The following ZNF710 variants were observed in gnomAD, a reference collection of about 807,000 sequenced individuals.
The protein encoded by ZNF710 is zinc finger protein 710.
ZNF710 carries 13 observed loss-of-function variants against 50.6 expected under a neutral mutation model. The ratio of observed to expected loss-of-function variants is 0.26; its 90% CI spans 0.17 to 0.41. ZNF710 has a LOEUF of 0.41. Among genes scored for constraint, ZNF710 ranks in the 10% least tolerant of loss-of-function variants. The pLI is 1.00. For missense variants in ZNF710, 721 were observed against 936.6 expected, an observed-to-expected ratio of 0.77 and a Z score of 3.01; for synonymous variants, 383 against 397.0, an observed-to-expected ratio of 0.96 and a Z score of 0.42.
intron 1 of ZNF710, among the ~76,000 whole-genome samples, chr15:90,037,322 C>T (rs546635684): frequency 1.3e-5 from 2 of 152,312 alleles, no homozygotes; most frequent in East Asian, 3.9e-4. Flanking sequence ...GGCATTTGCC[C>T]TCCCAGGGCC....
Position 90,034,428 on chromosome 15 carries a change from C to CTG in ZNF710, c.-28-32636_-28-32635dup, listed in dbSNP as rs398028304. Among the ~76,000 whole-genome samples, 20,283 of 135,988 alleles carry CTG rather than the reference C, an allele frequency of 0.15. 1,501 individuals carry two copies. Among genetic ancestry groups the CTG allele is most frequent in the Non-Finnish European group, 0.16 (10,215 of 62,124 alleles). 89.2% of individuals were successfully genotyped at this position (135,988 alleles called of 152,430 possible). ...AGCTGTCCTTCCTGTTTCCAAATTC[C>CTG]TGTGTGTGTGTGTGTGTGTGTGTGT... is the stretch of plus-strand genomic sequence containing the variant. On this transcript the variant is annotated intron_variant, in intron 1 of 4. Coordinates refer to ENST00000268154, the MANE Select transcript of ZNF710 (RefSeq NM_198526.4). This position sits in a 1 kb window ranked among gnomAD's most constrained non-coding sequence, Gnocchi z 4.0.
At chr15:90,079,511 G>A (rs1900670979) in intron 4 of ZNF710, 149 bp from the exon 5 acceptor site, 9 of 963,454 alleles carry the variant, frequency 9.3e-6, no homozygotes, top group East Asian at 5.4e-5. Context: ...TGAGGCGTCC[G>A]AGGGTGGGAA....
chr15:90,062,387 G>A lies in ZNF710; in HGVS notation c.-28-4723G>A, dbSNP rs1596050918. 1.3e-5 allele frequency among the ~76,000 whole-genome samples: 2 copies of A among 152,158 alleles called. No homozygotes were observed. Among genetic ancestry groups the A allele is most frequent in the Admixed American group, 6.5e-5 (1 of 15,284 alleles). Reference sequence around the variant, plus strand: ...CCACGCCACATCCCAGCCAGTGGTCGCCCCTCATCTTGCCAGCCTGGGGCA... The same window carrying A: ...CCACGCCACATCCCAGCCAGTGGTCACCCCTCATCTTGCCAGCCTGGGGCA... On this transcript the variant is annotated intron_variant, in intron 1 of 4. Transcript: ENST00000268154. This position sits in a 1 kb window ranked among gnomAD's most constrained non-coding sequence, Gnocchi z 5.6.
intron 1 of ZNF710, among the ~76,000 whole-genome samples, chr15:90,047,417 G>A (rs909876932): frequency 2.6e-5 from 4 of 152,174 alleles, no homozygotes; most frequent in African/African-American, 9.7e-5. Context: ...AGTAGCAGAG[G>A]ATGCAAACTC....
rs1250460824 is a variant in ZNF710, at chr15:90,058,715, A to G, written c.-28-8395A>G. Among the ~76,000 whole-genome samples the G allele has an allele frequency of 3.3e-4, 43 of 130,006 alleles. 1 individual carries two copies. The highest frequency in any genetic ancestry group is 2.0e-3 in the African/African-American group (42 of 20,920). 85.3% of individuals were successfully genotyped at this position (130,006 alleles called of 152,430 possible). ...ACACTATATATTTATATATATATAT[A>G]TATACACACATATACACACACACGT... On this transcript the variant is annotated intron_variant, in intron 1 of 4. Transcript: ENST00000268154.
chr15:90,063,595 T>C (rs1045825058), intron 1 of ZNF710, among the ~76,000 whole-genome samples: 1 of 152,088 alleles, frequency 6.6e-6, no homozygotes, highest in Non-Finnish European at 1.5e-5. Context: ...CCTTCTCAAG[T>C]CCAAACTACC....
At chr15:90,021,500 C>G (rs1023507809) in intron 1 of ZNF710, among the ~76,000 whole-genome samples, 1 of 152,178 alleles carries the variant, frequency 6.6e-6, no homozygotes, top group African/African-American at 2.4e-5. Context: ...AGGAGACAGG[C>G]CTGCACCATC....
chr15:90,068,139 G>A lies in ZNF710; in HGVS notation c.1002G>A (p.Gln334=). The part of the protein sequence containing the change: ...SCPHCSKLFK[Q]PSHLQTHLLT... Reference sequence around the variant, plus strand: ...CACACTGCAGCAAGCTCTTCAAGCAGCCCAGCCACCTGCAGACGCACCTGC... The same window carrying A: ...CACACTGCAGCAAGCTCTTCAAGCAACCCAGCCACCTGCAGACGCACCTGC... Residue 334 remains glutamine, a synonymous_variant, in exon 2 of 5, where the codon CAG becomes CAA. Coordinates refer to ENST00000268154, the MANE Select transcript of ZNF710 (RefSeq NM_198526.4). The surrounding 1 kb of genome is among the most constrained non-coding windows in gnomAD (Gnocchi z 5.0). The A allele has an allele frequency of 6.2e-7, 1 of 1,614,220 alleles. No individual in the cohort carries two copies. Among genetic ancestry groups the A allele is most frequent in the African/African-American group, 1.3e-5 (1 of 75,078 alleles).
chr15:90,000,464 C>A (rs1207886660), upstream of ZNF710, among the ~76,000 whole-genome samples: 1 of 152,046 alleles, frequency 6.6e-6, no homozygotes, highest in Non-Finnish European at 1.5e-5. Context: ...CGGCGCCCCC[C>A]AGCAGTGCGC....
intron 1 of ZNF710, among the ~76,000 whole-genome samples, chr15:90,039,310 G>T (rs1306280000): frequency 3.9e-5 from 6 of 152,018 alleles, no homozygotes; most frequent in Admixed American, 1.3e-4. Context: ...GATGTGTACA[G>T]ATGATTTCAC....
intron 1 of ZNF710, among the ~76,000 whole-genome samples, chr15:90,031,245 A>G (rs1898940040): frequency 6.6e-6 from 1 of 152,218 alleles, no homozygotes; most frequent in African/African-American, 2.4e-5. Flanking sequence ...GAAGTGAATG[A>G]AAAAGAACAC....
At chr15:90,024,056 G>A (rs945987255) in intron 1 of ZNF710, among the ~76,000 whole-genome samples, 2 of 151,610 alleles carry the variant, frequency 1.3e-5, no homozygotes, top group East Asian at 1.9e-4. Context: ...AGTAGGGAGG[G>A]GGCAAGGACC....
chr15:90,064,860 G>C (rs564468110), intron 1 of ZNF710, among the ~76,000 whole-genome samples: 7 of 152,132 alleles, frequency 4.6e-5, no homozygotes, highest in Non-Finnish European at 7.4e-5. Context: ...AGGACCGTGG[G>C]CCCTCACAAC....
At chr15:90,077,316 T>A (rs1185733208) in intron 4 of ZNF710, among the ~76,000 whole-genome samples, 1 of 143,678 alleles carries the variant, frequency 7.0e-6, no homozygotes, top group Non-Finnish European at 1.5e-5. Flanking sequence ...CGATCTCGGC[T>A]CACTGCAAGC....
At chr15:90,058,563 G>A (rs77054144) in intron 1 of ZNF710, among the ~76,000 whole-genome samples, 67 of 151,940 alleles carry the variant, frequency 4.4e-4, no homozygotes, top group Non-Finnish European at 8.1e-4. Flanking sequence ...AGACACTCCC[G>A]TGCTGGGCCC....
At chr15:90,042,551 G>T (rs1358947591) in intron 1 of ZNF710, among the ~76,000 whole-genome samples, 1 of 152,112 alleles carries the variant, frequency 6.6e-6, no homozygotes, top group Non-Finnish European at 1.5e-5. Flanking sequence ...CTGCTCCCCG[G>T]CGTTTCTCAT....
At chr15:89,999,260 T>G (rs547758078), upstream of ZNF710, among the ~76,000 whole-genome samples, 2 of 152,372 alleles carry the variant, frequency 1.3e-5, no homozygotes, top group East Asian at 3.9e-4. Context: ...GGTTGCTGTC[T>G]TCTTTTCTTG....
rs1899950926 is a variant in ZNF710, at chr15:90,059,886, T to G, written c.-28-7224T>G. On this transcript the variant is annotated intron_variant, in intron 1 of 4. Coordinates refer to ENST00000268154, the MANE Select transcript of ZNF710 (RefSeq NM_198526.4). This position sits in a 1 kb window ranked among gnomAD's most constrained non-coding sequence, Gnocchi z 4.1. ...CACAGCGGGTGTACAGGCCTGGAAC[T>G]TCCTCTTCTCCTCCCACCTGGTTAC... is the stretch of plus-strand genomic sequence containing the variant. Among the ~76,000 whole-genome samples, 1 of 152,184 alleles carries G rather than the reference T, an allele frequency of 6.6e-6. No individual in the cohort carries two copies. Among genetic ancestry groups the G allele is most frequent in the Non-Finnish European group, 1.5e-5 (1 of 68,026 alleles).
chr15:90,077,782 A>G (rs2151541451), intron 4 of ZNF710, among the ~76,000 whole-genome samples: 1 of 152,322 alleles, frequency 6.6e-6, no homozygotes, highest in Admixed American at 6.5e-5. Context: ...CAGGTGTGGT[A>G]GCGCACACCT....
Sources: gnomAD v4.1 joint callset for allele counts (sites outside exome capture counted in the v4.1 genomes callset) on GRCh38, gnomAD v4.1.1 for gene constraint, Gnocchi (gnomAD v3.1) non-coding constraint, MANE v1.5 for transcripts, NCBI Gene and HGNC (gene_info 2026-07-23, HGNC 2026-07-21) for gene names.